The following CDH18 variants were observed in gnomAD, a reference collection of about 807,000 sequenced individuals.
CDH18 encodes the protein cadherin-18.
Under a neutral mutation model 67.9 loss-of-function variants are expected in CDH18, and 31 were observed. The ratio of observed to expected loss-of-function variants is 0.46; its 90% CI spans 0.34 to 0.62. The LOEUF is 0.62. Among genes scored for constraint, CDH18 ranks in the 20% least tolerant of loss-of-function variants. The probability of loss-of-function intolerance (pLI) is 0.01; values close to 1 mark genes in which losing one functional copy is unlikely to be tolerated. For missense variants in CDH18, 890 were observed against 975.5 expected (o/e 0.91, Z 1.17); for synonymous variants, 362 against 347.2 (o/e 1.04, Z -0.48).
chr5:19,701,177 T>G (rs1433385984), intron 5 of CDH18, among the ~76,000 whole-genome samples: 2 of 152,142 alleles, frequency 1.3e-5, no homozygotes, highest in Non-Finnish European at 2.9e-5. Flanking sequence ...AATTTATGTG[T>G]TTTAAAAAAT....
chr5:19,592,504 A>G (rs1745328679), intron 6 of CDH18, among the ~76,000 whole-genome samples: 1 of 152,120 alleles, frequency 6.6e-6, no homozygotes, highest in South Asian at 2.1e-4. Context: ...TACCAAGATT[A>G]AATTAATAGT....
At chr5:19,703,515 C>A (rs575687650) in intron 5 of CDH18, among the ~76,000 whole-genome samples, 1 of 152,228 alleles carries the variant, frequency 6.6e-6, no homozygotes, top group Non-Finnish European at 1.5e-5. Flanking sequence ...TCTGCACCCC[C>A]TCATTATTTT....
intron 3 of CDH18, among the ~76,000 whole-genome samples, chr5:19,800,429 AG>A (rs1777334635): frequency 6.6e-6 from 1 of 152,180 alleles, no homozygotes; most frequent in Non-Finnish European, 1.5e-5. Flanking sequence ...TAACGGAAGG[AG>A]TCAGTGATGA....
intron 2 of CDH18, among the ~76,000 whole-genome samples, chr5:20,214,037 A>C (rs894539827): frequency 1.3e-5 from 2 of 152,026 alleles, no homozygotes; most frequent in African/African-American, 4.8e-5. Flanking sequence ...ATTCCTATAA[A>C]CCAACAGCAG....
intron 1 of CDH18, among the ~76,000 whole-genome samples, chr5:20,376,421 A>C (rs1445057800): frequency 6.6e-6 from 1 of 151,758 alleles, no homozygotes; most frequent in African/African-American, 2.4e-5. Context: ...AGTTTGAGGA[A>C]CTGGTTACTT....
At chr5:19,927,584 C>CAT (rs1160095917) in intron 2 of CDH18, among the ~76,000 whole-genome samples, 4 of 152,076 alleles carry the variant, frequency 2.6e-5, no homozygotes, top group South Asian at 2.1e-4. Flanking sequence ...TATGAAAGCA[C>CAT]ATATATATAA....
intron 2 of CDH18, among the ~76,000 whole-genome samples, chr5:20,090,949 C>T (rs962580611): frequency 6.6e-6 from 1 of 151,310 alleles, no homozygotes; most frequent in African/African-American, 2.4e-5. Flanking sequence ...TTCAGGGAGG[C>T]TCTAGTGGGA....
intron 1 of CDH18, among the ~76,000 whole-genome samples, chr5:20,292,463 T>C (rs1747175575): frequency 6.6e-6 from 1 of 152,226 alleles, no homozygotes; most frequent in Non-Finnish European, 1.5e-5. Flanking sequence ...CTTTCACTTG[T>C]CATTATTTTT....
chr5:19,910,331 A>G (rs982307397), intron 2 of CDH18, among the ~76,000 whole-genome samples: 10 of 152,140 alleles, frequency 6.6e-5, no homozygotes, highest in Non-Finnish European at 8.8e-5. Context: ...GTACAGGTTT[A>G]TATCACCCCA....
chr5:19,849,159 G>A (rs1783353984), intron 2 of CDH18, among the ~76,000 whole-genome samples: 1 of 152,030 alleles, frequency 6.6e-6, no homozygotes, highest in African/African-American at 2.4e-5. Flanking sequence ...GAAAGGAAAT[G>A]TGGAGCTTGC....
intron 8 of CDH18, among the ~76,000 whole-genome samples, chr5:19,568,458 G>A (rs1371221060): frequency 6.6e-6 from 1 of 152,068 alleles, no homozygotes; most frequent in African/African-American, 2.4e-5. Context: ...AGCACAACCC[G>A]ACAATTCTGG....
intron 1 of CDH18, among the ~76,000 whole-genome samples, chr5:20,500,428 G>T (rs1754187751): frequency 6.6e-6 from 1 of 152,164 alleles, no homozygotes; most frequent in South Asian, 2.1e-4. Context: ...AATATCCCTG[G>T]ACTATAACAC....
At chr5:20,409,017 G>T (rs1255635957) in intron 1 of CDH18, among the ~76,000 whole-genome samples, 1 of 151,602 alleles carries the variant, frequency 6.6e-6, no homozygotes, top group South Asian at 2.1e-4. Context: ...AAATTGACTA[G>T]GAAGTTATAA....
At chr5:20,150,211 A>G (rs1057292736) in intron 2 of CDH18, among the ~76,000 whole-genome samples, 24 of 152,124 alleles carry the variant, frequency 1.6e-4, no homozygotes, top group African/African-American at 4.8e-4. Flanking sequence ...ATTATTTGAT[A>G]GCTCCTCAAT....
intron 1 of CDH18, among the ~76,000 whole-genome samples, chr5:20,275,752 G>C (rs1055989386): frequency 6.6e-6 from 1 of 152,240 alleles, no homozygotes; most frequent in African/African-American, 2.4e-5. Flanking sequence ...AGTGATCAAA[G>C]TACCTGGTTT....
intron 5 of CDH18, among the ~76,000 whole-genome samples, chr5:19,658,300 A>T (rs1241604905): frequency 6.6e-6 from 1 of 152,144 alleles, no homozygotes; most frequent in East Asian, 1.9e-4. Flanking sequence ...AATTATTTTT[A>T]ATTAAAACTC....
At chr5:20,088,711 C>T (rs1453299446) in intron 2 of CDH18, among the ~76,000 whole-genome samples, 2 of 152,066 alleles carry the variant, frequency 1.3e-5, no homozygotes, top group Non-Finnish European at 2.9e-5. Context: ...TTATTTAAGC[C>T]TTTTTTTCAA....
chr5:19,705,176 C>T (rs1368600779), intron 5 of CDH18, among the ~76,000 whole-genome samples: 2 of 152,060 alleles, frequency 1.3e-5, no homozygotes, highest in Non-Finnish European at 2.9e-5. Context: ...TTGTGCTGCC[C>T]CCACTTGAGA....
chr5:20,337,700 G>C (rs1028954905), intron 1 of CDH18, among the ~76,000 whole-genome samples: 4 of 152,038 alleles, frequency 2.6e-5, no homozygotes, highest in African/African-American at 4.8e-5. Flanking sequence ...GTTTTCTTCT[G>C]AGCCCTCCAA....
Sources: gnomAD v4.1 joint callset for allele counts (sites outside exome capture counted in the v4.1 genomes callset) on GRCh38, gnomAD v4.1.1 for gene constraint, MANE v1.5 for transcripts, NCBI Gene and HGNC (gene_info 2026-07-23, HGNC 2026-07-21) for gene names.